The following PPARGC1A variants were observed in gnomAD, a reference collection of about 807,000 sequenced individuals.
PPARGC1A encodes peroxisome proliferator-activated receptor gamma coactivator 1-alpha.
Under a neutral mutation model 88.7 loss-of-function variants are expected in PPARGC1A, and 25 were observed. The ratio of observed to expected loss-of-function variants is 0.28; its 90% CI spans 0.21 to 0.39. The LOEUF (loss-of-function observed/expected upper bound fraction) is 0.39, where lower values mean the gene tolerates loss of function less well. Among genes scored for constraint, PPARGC1A ranks in the 10% least tolerant of loss-of-function variants. PPARGC1A has a pLI of 1.00. For missense variants in PPARGC1A, 880 were observed against 968.7 expected, an observed-to-expected ratio of 0.91 and a Z score of 1.22; for synonymous variants, 363 against 355.6, an observed-to-expected ratio of 1.02 and a Z score of -0.24.
At chr4:24,080,728 T>G in the PPARGC1A span, among the ~76,000 whole-genome samples, 4 of 152,114 alleles carry the variant, frequency 2.6e-5, no homozygotes, top group Non-Finnish European at 5.9e-5. Context: ...AAGTTACTAT[T>G]GTAATCCCAT....
the PPARGC1A span, among the ~76,000 whole-genome samples, chr4:24,243,107 T>C: frequency 6.6e-6 from 1 of 152,178 alleles, no homozygotes; most frequent in Non-Finnish European, 1.5e-5. Flanking sequence ...CCTTGCTCCA[T>C]TGTATCCCTA....
chr4:24,452,620 G>T, the PPARGC1A span, among the ~76,000 whole-genome samples: 1 of 152,168 alleles, frequency 6.6e-6, no homozygotes, highest in Non-Finnish European at 1.5e-5. Flanking sequence ...ACCTGCCCTG[G>T]GTTGTTCATT....
At chr4:23,955,817 A>T in the PPARGC1A span, among the ~76,000 whole-genome samples, 1 of 152,126 alleles carries the variant, frequency 6.6e-6, no homozygotes, top group Admixed American at 6.6e-5. Context: ...AAATTTAAGT[A>T]ACTAATTACA....
the PPARGC1A span, among the ~76,000 whole-genome samples, chr4:24,119,102 T>C: frequency 7.2e-5 from 11 of 152,270 alleles, no homozygotes; most frequent in African/African-American, 2.6e-4. Flanking sequence ...CAACATAAAG[T>C]GGGATGGTGA....
chr4:23,974,350 T>A, the PPARGC1A span, among the ~76,000 whole-genome samples: 1 of 152,210 alleles, frequency 6.6e-6, no homozygotes, highest in South Asian at 2.1e-4. Context: ...GAGTGCTTGC[T>A]ATATACCAGG....
intron 2 of PPARGC1A, among the ~76,000 whole-genome samples, chr4:23,864,601 A>C (rs1185236190): frequency 6.6e-6 from 1 of 152,224 alleles, no homozygotes; most frequent in Non-Finnish European, 1.5e-5. Flanking sequence ...GAACAAGAGG[A>C]AAGTCTTTCG....
At chr4:24,278,556 T>G in the PPARGC1A span, among the ~76,000 whole-genome samples, 1 of 152,180 alleles carries the variant, frequency 6.6e-6, no homozygotes, top group Non-Finnish European at 1.5e-5. Flanking sequence ...AAATTTTTTT[T>G]GCAAAAAGTT....
At chr4:24,100,662 A>C in the PPARGC1A span, among the ~76,000 whole-genome samples, 1 of 152,234 alleles carries the variant, frequency 6.6e-6, no homozygotes, top group Non-Finnish European at 1.5e-5. Flanking sequence ...CCTTGGAATT[A>C]AATGAGTGAT....
chr4:24,138,463 G>A, the PPARGC1A span, among the ~76,000 whole-genome samples: 1 of 152,196 alleles, frequency 6.6e-6, no homozygotes, highest in Non-Finnish European at 1.5e-5. Context: ...CAACATATAA[G>A]TTAAGGTCAA....
At chr4:24,410,881 C>T in the PPARGC1A span, among the ~76,000 whole-genome samples, 3 of 152,184 alleles carry the variant, frequency 2.0e-5, no homozygotes, top group African/African-American at 7.2e-5. Context: ...GTCGGCTTCC[C>T]TACTTTTGAG....
the PPARGC1A span, among the ~76,000 whole-genome samples, chr4:23,951,133 C>G: frequency 1.3e-5 from 2 of 152,040 alleles, no homozygotes; most frequent in African/African-American, 2.4e-5. Flanking sequence ...TTTGAAAGAC[C>G]CCCCAGTCCA....
At chr4:24,122,560 C>T in the PPARGC1A span, among the ~76,000 whole-genome samples, 2 of 151,932 alleles carry the variant, frequency 1.3e-5, no homozygotes, top group African/African-American at 4.8e-5. Flanking sequence ...ATTTAATGAG[C>T]ACTTGCTAAG....
chr4:23,956,390 T>C, the PPARGC1A span, among the ~76,000 whole-genome samples: 7 of 152,162 alleles, frequency 4.6e-5, no homozygotes, highest in African/African-American at 9.6e-5. Flanking sequence ...AGCAAAGCTC[T>C]GCACTCTAAT....
At chr4:24,342,208 T>C in the PPARGC1A span, among the ~76,000 whole-genome samples, 1 of 152,224 alleles carries the variant, frequency 6.6e-6, no homozygotes, top group African/African-American at 2.4e-5. Flanking sequence ...ACTGAACTTC[T>C]GCTTATTGAG....
the PPARGC1A span, among the ~76,000 whole-genome samples, chr4:24,423,745 A>C: frequency 6.6e-6 from 1 of 152,208 alleles, no homozygotes; most frequent in Non-Finnish European, 1.5e-5. Context: ...TCTCAGCCTC[A>C]ATTCCAACTG....
intron 2 of PPARGC1A, among the ~76,000 whole-genome samples, chr4:23,843,596 A>G (rs1727453491): frequency 6.6e-6 from 1 of 152,112 alleles, no homozygotes; most frequent in Admixed American, 6.6e-5. Flanking sequence ...AATCTGAGGA[A>G]GAGATAAGAC....
the PPARGC1A span, among the ~76,000 whole-genome samples, chr4:24,021,269 C>T: frequency 6.6e-6 from 1 of 152,218 alleles, no homozygotes; most frequent in African/African-American, 2.4e-5. Flanking sequence ...ATCCCTCCTC[C>T]AGCATTCTAT....
At chr4:24,085,562 C>T in the PPARGC1A span, among the ~76,000 whole-genome samples, 1 of 152,140 alleles carries the variant, frequency 6.6e-6, no homozygotes, top group Non-Finnish European at 1.5e-5. Context: ...CCATGTACTG[C>T]CTCTATTGAG....
chr4:24,222,468 A>T, the PPARGC1A span, among the ~76,000 whole-genome samples: 1 of 152,362 alleles, frequency 6.6e-6, no homozygotes, highest in East Asian at 1.9e-4. Flanking sequence ...TAACGTATAC[A>T]AAGTGATTGC....
Sources: gnomAD v4.1 joint callset for allele counts (sites outside exome capture counted in the v4.1 genomes callset) on GRCh38, gnomAD v4.1.1 for gene constraint, MANE v1.5 for transcripts, NCBI Gene and HGNC (gene_info 2026-07-23, HGNC 2026-07-21) for gene names.